The following TEX14 variants were observed in gnomAD, a reference collection of about 807,000 sequenced individuals.
TEX14 encodes the protein inactive serine/threonine-protein kinase TEX14.
TEX14 carries 168 observed loss-of-function variants against 178.6 expected under a neutral mutation model. The observed-to-expected ratio is 0.94, with a 90% CI of 0.83 to 1.07. The LOEUF (loss-of-function observed/expected upper bound fraction) is 1.07, where lower values mean the gene tolerates loss of function less well. TEX14 is among the 50% of genes least tolerant of loss of function. The pLI, the probability that TEX14 is intolerant of heterozygous loss-of-function variation, is 0.00. For missense variants in TEX14, 1,730 were observed against 1,753.6 expected, an observed-to-expected ratio of 0.99 and a Z score of 0.24; for synonymous variants, 626 against 634.1, an observed-to-expected ratio of 0.99 and a Z score of 0.19.
intron 1 of TEX14, among the ~76,000 whole-genome samples, chr17:58,687,382 CTTT>C (rs1272487647): frequency 6.6e-6 from 1 of 152,154 alleles, no homozygotes; most frequent in Admixed American, 6.6e-5. Flanking sequence ...CAAATATACT[CTTT>C]TGTCTCGTCT....
In TEX14 at chr17:58,571,927, A is replaced by AGTCAGTCTT. The variant is rs764813019; in HGVS notation, c.3702_3710dup (p.Arg1235_Thr1237dup). 4.3e-6 allele frequency: 7 copies of AGTCAGTCTT among 1,613,132 alleles called. No individual in the cohort carries two copies. The South Asian group carries it at 7.7e-5, about 18-fold the overall frequency. On this transcript the variant is annotated inframe_insertion, in exon 24 of 32. Transcript: ENST00000349033. Reference sequence around the variant, plus strand: ...GTGGAATTGATATACTTACAAGACCAGTCAGTCTTGAAGGGGGAGTTTCAG... The same window carrying AGTCAGTCTT: ...GTGGAATTGATATACTTACAAGACCAGTCAGTCTTGTCAGTCTTGAAGGGGGAGTTTCAG...
At chr17:58,621,343 G>T (rs1223283382) in intron 5 of TEX14, among the ~76,000 whole-genome samples, 2 of 152,190 alleles carry the variant, frequency 1.3e-5, no homozygotes, top group Non-Finnish European at 2.9e-5. Flanking sequence ...GTCCTGCTGG[G>T]TAAGGGTTTT....
intron 2 of TEX14, among the ~76,000 whole-genome samples, chr17:58,632,502 T>G (rs901714822): frequency 1.3e-5 from 2 of 152,180 alleles, no homozygotes; most frequent in Non-Finnish European, 2.9e-5. Flanking sequence ...ATTGCTGTGT[T>G]TAAACAAGCA....
intron 17 of TEX14, among the ~76,000 whole-genome samples, chr17:58,586,862 C>T (rs368256895): frequency 2.6e-4 from 40 of 152,016 alleles, no homozygotes; most frequent in East Asian, 3.9e-4. Context: ...AATATGTGCA[C>T]GTTAGGTGAA....
chr17:58,651,329 A>T (rs1211551686), intron 2 of TEX14, among the ~76,000 whole-genome samples: 2 of 152,182 alleles, frequency 1.3e-5, no homozygotes, highest in Non-Finnish European at 2.9e-5. Flanking sequence ...TTGTTTGTAT[A>T]TGGGTTTTTG....
rs534376671 is a variant in TEX14 at position 58,598,901 on chromosome 17, G to C, written c.2444C>G (p.Pro815Arg). ...CATTCTTGGAAATCTTGGTAGGGTT[G>C]GGTAGTTGCCACTGGTGTCTGGCTT... ...GQKPDTSGNY[P>R]TLPRFPRMLP... Residue 815 changes from proline (P) to arginine (R), a missense_variant, in exon 14 of 32, where the codon CCA becomes CGA. Physicochemically the swap from Pro to Arg is moderately radical, Grantham distance 103. Coordinates refer to ENST00000349033, the MANE Select transcript of TEX14 (RefSeq NM_031272.5). 23 of 1,611,872 alleles carry C rather than the reference G, an allele frequency of 1.4e-5. No homozygotes were observed. In the South Asian group the frequency reaches 2.4e-4, roughly 17 times the overall value.
At chr17:58,637,726 G>A (rs181259004) in intron 2 of TEX14, among the ~76,000 whole-genome samples, 58 of 152,234 alleles carry the variant, frequency 3.8e-4, no homozygotes, top group African/African-American at 1.4e-3. Context: ...CAATAAATGG[G>A]TAAACCTAAG....
intron 1 of TEX14, among the ~76,000 whole-genome samples, chr17:58,663,743 C>T (rs1567766209): frequency 1.3e-5 from 2 of 152,132 alleles, no homozygotes; most frequent in Admixed American, 6.6e-5. Flanking sequence ...GCTGGGATTA[C>T]AGGCATGAGC....
intron 28 of TEX14, among the ~76,000 whole-genome samples, chr17:58,563,823 C>T (rs1304224778): frequency 4.0e-5 from 6 of 149,896 alleles, no homozygotes; most frequent in Admixed American, 4.0e-4. Flanking sequence ...CACACACACA[C>T]ACACACACAC....
Position 58,557,056 on chromosome 17 carries a change from A to T in TEX14, c.4320-9T>A, listed in dbSNP as rs991649599. On this transcript the variant is annotated splice_polypyrimidine_tract_variant and intron_variant, in intron 31 of 31. Coordinates refer to ENST00000349033, the MANE Select transcript of TEX14 (RefSeq NM_031272.5). The stretch of plus-strand genomic sequence containing the variant: ...GATCCAGCACGATTATCCTATGCAC[A>T]TGTTTTTTAAAGAACAAAAAAGGAA... The T allele has an allele frequency of 1.9e-6, 3 of 1,613,056 alleles. No homozygotes were observed. The highest frequency in any genetic ancestry group is 1.7e-5 in the Admixed American group (1 of 59,994).
At chr17:58,665,365 A>C (rs1182893402) in intron 1 of TEX14, among the ~76,000 whole-genome samples, 2 of 151,694 alleles carry the variant, frequency 1.3e-5, no homozygotes, top group Non-Finnish European at 2.9e-5. Flanking sequence ...GCACTTTGGG[A>C]GGCTGAGGCA....
chr17:58,594,544 G>C (rs2045234988), intron 14 of TEX14, among the ~76,000 whole-genome samples: 1 of 151,638 alleles, frequency 6.6e-6, no homozygotes, highest in Non-Finnish European at 1.5e-5. Context: ...GTAGAGACGT[G>C]GTTTCACCAT....
At chr17:58,654,699 G>A (rs1183543634) in intron 1 of TEX14, among the ~76,000 whole-genome samples, 6 of 151,918 alleles carry the variant, frequency 3.9e-5, no homozygotes. Flanking sequence ...TAGAGTTGGA[G>A]TTTCACCATG....
chr17:58,611,805 C>T (rs1466446270), intron 9 of TEX14, among the ~76,000 whole-genome samples: 4 of 152,198 alleles, frequency 2.6e-5, no homozygotes, highest in Non-Finnish European at 5.9e-5. Context: ...CCTAAGGGGA[C>T]AGAAATTCAC....
At chr17:58,577,070 A>G (rs1002108001) in intron 21 of TEX14, among the ~76,000 whole-genome samples, 1 of 152,200 alleles carries the variant, frequency 6.6e-6, no homozygotes, top group South Asian at 2.1e-4. Context: ...TTAAGTTCCT[A>G]TTGTCAACAT....
chr17:58,597,904 C>A (rs1050126715), intron 14 of TEX14, among the ~76,000 whole-genome samples: 1 of 152,102 alleles, frequency 6.6e-6, no homozygotes, highest in African/African-American at 2.4e-5. Flanking sequence ...CTAGCCAGCT[C>A]CCATGGTGTC....
At chr17:58,602,033 G>A (rs2045464869) in intron 12 of TEX14, 77 bp from the exon 13 acceptor site, 2 of 1,485,490 alleles carry the variant, frequency 1.3e-6, no homozygotes, top group African/African-American at 1.4e-5. Flanking sequence ...AACCATCTAA[G>A]TATCTGATAA....
chr17:58,569,145 A>G lies in TEX14; in HGVS notation c.3886+47T>C. The G allele has an allele frequency of 6.7e-7, 1 of 1,488,298 alleles. No homozygotes were observed. 92.2% of individuals were successfully genotyped at this position (1,488,298 alleles called of 1,614,324 possible). A position where few individuals can be genotyped will look rare whatever the true frequency, so the allele number is the denominator to read the frequency against. ...AAGACACCATACTGTGGTCAGTGAC[A>G]TAACTAACAGGGCCGAGAAGTATAT... is the stretch of plus-strand genomic sequence containing the variant. On this transcript the variant is annotated intron_variant, in intron 26 of 31. Coordinates refer to ENST00000349033, the MANE Select transcript of TEX14 (RefSeq NM_031272.5). The surrounding 1 kb of genome is among the most constrained non-coding windows in gnomAD (Gnocchi z 4.1).
chr17:58,666,468 A>C (rs2047209440), intron 1 of TEX14: 2 of 137,022 alleles, frequency 1.5e-5, no homozygotes, highest in South Asian at 2.1e-4. Context: ...CAAAAAAAAA[A>C]AAAAAAAAAA....
Sources: gnomAD v4.1 joint callset for allele counts (sites outside exome capture counted in the v4.1 genomes callset) on GRCh38, gnomAD v4.1.1 for gene constraint, Gnocchi (gnomAD v3.1) non-coding constraint, MANE v1.5 for transcripts, NCBI Gene and HGNC (gene_info 2026-07-23, HGNC 2026-07-21) for gene names.